The following CWC22 variants were observed in gnomAD, a reference collection of about 807,000 sequenced individuals.
CWC22 encodes pre-mRNA-splicing factor CWC22 homolog.
CWC22 carries 53 observed loss-of-function variants against 117.2 expected under a neutral mutation model. That is an observed-to-expected ratio of 0.45 (90% confidence interval 0.36 to 0.57). CWC22 has a LOEUF of 0.57. Ranked by LOEUF, CWC22 falls within the 20% of genes least tolerant of loss-of-function variation. CWC22 has a pLI of 0.00. For missense variants in CWC22, 980 were observed against 1,068.8 expected (o/e 0.92, Z 1.16); for synonymous variants, 360 against 355.6 (o/e 1.01, Z -0.14).
At chr2:179,967,166 C>T (rs2105524035) in intron 11 of CWC22, among the ~76,000 whole-genome samples, 1 of 152,294 alleles carries the variant, frequency 6.6e-6, no homozygotes, top group Non-Finnish European at 1.5e-5. Flanking sequence ...CACAAGTACA[C>T]CTGGGTCAGT....
chr2:179,969,474 G>C (rs1443307569), intron 11 of CWC22, among the ~76,000 whole-genome samples: 1 of 152,188 alleles, frequency 6.6e-6, no homozygotes, highest in Non-Finnish European at 1.5e-5. Flanking sequence ...AAGCACTACT[G>C]AACAATGGAA....
intron 13 of CWC22, among the ~76,000 whole-genome samples, chr2:179,960,830 G>C (rs910978641): frequency 9.2e-5 from 14 of 152,054 alleles, no homozygotes; most frequent in African/African-American, 2.9e-4. Context: ...AGAGAAGCCA[G>C]GAAAAGTCCT....
chr2:179,991,138 CAT>C (rs1687557072), intron 2 of CWC22, among the ~76,000 whole-genome samples: 1 of 152,118 alleles, frequency 6.6e-6, no homozygotes, highest in African/African-American at 2.4e-5. Flanking sequence ...TGTAGTAACT[CAT>C]AGTCTCCAAC....
At chr2:180,002,965 C>G (rs1442618997) in intron 1 of CWC22, among the ~76,000 whole-genome samples, 3 of 152,216 alleles carry the variant, frequency 2.0e-5, no homozygotes, top group African/African-American at 7.2e-5. Flanking sequence ...ATATCCAGAA[C>G]CTAGGACAGT....
chr2:179,980,827 T>G (rs1687267979), intron 5 of CWC22, among the ~76,000 whole-genome samples: 1 of 152,200 alleles, frequency 6.6e-6, no homozygotes, highest in Admixed American at 6.5e-5. Context: ...TTATAACTAT[T>G]AATACCTTCT....
chr2:179,945,201 G>C lies in CWC22; in HGVS notation c.2655C>G (p.Tyr885Ter), dbSNP rs1228615927. Residue 885 changes from tyrosine (Y) to a stop codon, truncating the protein, a stop_gained, in exon 20 of 20, where the codon TAC becomes TAG. Transcript: ENST00000410053. LOFTEE classifies it high-confidence loss of function. ...AERRWEKSSR[Y>*]SEQSRESKKN... Reference sequence around the variant, plus strand: ...TCTTTGATTCTCTGGATTGTTCAGAGTATCTGCTAGATTTTTCCCATCGTC... The same window carrying C: ...TCTTTGATTCTCTGGATTGTTCAGACTATCTGCTAGATTTTTCCCATCGTC... 6.2e-7 allele frequency: 1 copy of C among 1,613,538 alleles called. No individual in the cohort carries two copies. The highest frequency in any genetic ancestry group is 1.7e-5 in the Admixed American group (1 of 60,000).
chr2:179,970,256 G>A (rs996929771), intron 11 of CWC22, among the ~76,000 whole-genome samples: 5 of 152,246 alleles, frequency 3.3e-5, no homozygotes, highest in East Asian at 1.9e-4. Flanking sequence ...TGGGTGAGAC[G>A]TAAGTGTTGC....
At chr2:179,981,731 T>C (rs1687292511) in intron 5 of CWC22, 21 bp downstream of exon 5, 3 of 1,594,146 alleles carry the variant, frequency 1.9e-6, no homozygotes, top group South Asian at 1.1e-5. Context: ...TGGCTTTGTA[T>C]ACTGATTGAT....
chr2:179,970,352 T>A (rs1359278453), intron 11 of CWC22, 149 bp downstream of exon 11: 1 of 874,620 alleles, frequency 1.1e-6, no homozygotes, highest in Non-Finnish European at 1.7e-6. Flanking sequence ...AGGAAAAAAA[T>A]AATGCCCGAG....
rs1214331564 is a variant in CWC22, at chr2:179,973,259, G to A, written c.751-13C>T. 4 of 1,587,230 alleles carry A rather than the reference G, an allele frequency of 2.5e-6. No individual in the cohort carries two copies. The highest frequency in any genetic ancestry group is 3.4e-6 in the Non-Finnish European group (4 of 1,164,770). On this transcript the variant is annotated splice_polypyrimidine_tract_variant and intron_variant, in intron 7 of 19. Transcript: ENST00000410053. Reference sequence around the variant, plus strand: ...TCAGGCAAAGTTGCTGAAAAATAAAGGTGGAAAGTTAACCTATAAACTAAA... The same window carrying A: ...TCAGGCAAAGTTGCTGAAAAATAAAAGTGGAAAGTTAACCTATAAACTAAA...
chr2:180,006,567 A>G (rs1687980635), intron 1 of CWC22, among the ~76,000 whole-genome samples: 1 of 152,224 alleles, frequency 6.6e-6, no homozygotes, highest in Non-Finnish European at 1.5e-5. Context: ...ATGAAATTTA[A>G]AACAAATAGT....
intron 13 of CWC22, among the ~76,000 whole-genome samples, chr2:179,961,001 G>A (rs368711319): frequency 2.6e-5 from 4 of 151,820 alleles, no homozygotes; most frequent in South Asian, 2.1e-4. Flanking sequence ...GGTGAAAGGC[G>A]TACCAGGAGT....
At chr2:179,965,053 A>G (rs1024616543) in intron 12 of CWC22, among the ~76,000 whole-genome samples, 1 of 150,972 alleles carries the variant, frequency 6.6e-6, no homozygotes, top group Non-Finnish European at 1.5e-5. Context: ...CAACATAAAT[A>G]CATATATTTG....
intron 13 of CWC22, among the ~76,000 whole-genome samples, chr2:179,962,012 T>C (rs971078038): frequency 2.0e-5 from 3 of 152,030 alleles, no homozygotes; most frequent in Non-Finnish European, 4.4e-5. Context: ...GTGTCCAATA[T>C]CAGAAACTCT....
intron 6 of CWC22, among the ~76,000 whole-genome samples, chr2:179,974,805 G>A (rs1217889379): frequency 1.3e-5 from 2 of 152,172 alleles, no homozygotes; most frequent in African/African-American, 4.8e-5. Flanking sequence ...AGGCAGGAGT[G>A]CAGTGGGGCG....
chr2:179,955,549 TAAAG>T (rs1207215116), intron 14 of CWC22, among the ~76,000 whole-genome samples: 3 of 151,962 alleles, frequency 2.0e-5, no homozygotes, highest in South Asian at 2.1e-4. Flanking sequence ...TTAACGTTGA[TAAAG>T]AAACATCAAA....
intron 4 of CWC22, 124 bp from the exon 5 acceptor site, chr2:179,982,121 A>C (rs747256776): frequency 9.3e-5 from 58 of 626,940 alleles, no homozygotes; most frequent in Non-Finnish European, 1.6e-4. Flanking sequence ...AAAGTGGTTT[A>C]GAATGGTGAC....
At chr2:179,957,892 T>C (rs1353736242) in intron 14 of CWC22, among the ~76,000 whole-genome samples, 1 of 152,068 alleles carries the variant, frequency 6.6e-6, no homozygotes, top group Non-Finnish European at 1.5e-5. Flanking sequence ...ATCTGATCTT[T>C]ATTATCCTTG....
intron 1 of CWC22, among the ~76,000 whole-genome samples, chr2:180,005,316 G>A (rs1367390426): frequency 6.6e-6 from 1 of 152,178 alleles, no homozygotes; most frequent in Non-Finnish European, 1.5e-5. Flanking sequence ...GGTGGCTCAC[G>A]CCTGTAATCC....
Sources: allele counts gnomAD v4.1 joint callset (sites outside exome capture counted in the v4.1 genomes callset), GRCh38; gene constraint gnomAD v4.1.1; transcripts MANE v1.5; gene names NCBI Gene and HGNC (gene_info 2026-07-23, HGNC 2026-07-21).